Variants in ADGRA2 observed in about 807,000 individuals in gnomAD.
ADGRA2 encodes the protein G-protein coupled receptor 124.
Under a neutral mutation model 98.7 loss-of-function variants are expected in ADGRA2, and 61 were observed. That is an observed-to-expected ratio of 0.62 (90% CI 0.50 to 0.76). The LOEUF is 0.76. Among genes scored for constraint, ADGRA2 ranks in the 30% least tolerant of loss-of-function variants. The probability of loss-of-function intolerance (pLI) is 0.00; values close to 1 mark genes in which losing one functional copy is unlikely to be tolerated. For missense variants in ADGRA2, 1,712 were observed against 1,860.0 expected (o/e 0.92, Z 1.46); for synonymous variants, 858 against 831.5 (o/e 1.03, Z -0.55).
In ADGRA2 at chr8:37,844,311, C is replaced by A. The variant is rs1805906493; in HGVS notation, c.*1956C>A. The A allele has an allele frequency of 1.4e-6, 1 of 700,714 alleles. No homozygotes were observed. 43.4% of individuals were successfully genotyped at this position (700,714 alleles called of 1,614,324 possible). A position where few individuals can be genotyped will look rare whatever the true frequency, so the allele number is the denominator to read the frequency against. ...GATGGGAATCTCTCCTACCTATAGTCATCCCTGCACTCCTGACTTTACTCC... is the reference window on the plus strand; with the variant it reads ...GATGGGAATCTCTCCTACCTATAGTAATCCCTGCACTCCTGACTTTACTCC... On this transcript the variant is annotated 3_prime_UTR_variant, in exon 19 of 19. Coordinates refer to ENST00000412232, the MANE Select transcript of ADGRA2 (RefSeq NM_032777.10).
chr8:37,813,881 T>G (rs766965630), intron 1 of ADGRA2, among the ~76,000 whole-genome samples: 13 of 152,170 alleles, frequency 8.5e-5, no homozygotes, highest in Admixed American at 3.9e-4. Flanking sequence ...CAGCTCTTCT[T>G]AGGGCTTGTT....
chr8:37,837,704 T>C (rs1233111289), intron 13 of ADGRA2, 27 bp from the exon 14 acceptor site: 10 of 1,537,050 alleles, frequency 6.5e-6, no homozygotes, highest in Admixed American at 2.0e-5. Context: ...TGTGTGTGTC[T>C]GTGTGGACGT....
In ADGRA2 at chr8:37,818,899, C is replaced by T. The variant is rs78003008; in HGVS notation, c.338+3932C>T. Among the ~76,000 whole-genome samples the T allele has an allele frequency of 8.1e-3, 1,232 of 152,146 alleles. 12 individuals are homozygous for T. Among genetic ancestry groups the T allele is most frequent in the African/African-American group, 0.027 (1,100 of 41,492 alleles). On this transcript the variant is annotated intron_variant, in intron 2 of 18. Coordinates refer to ENST00000412232, the MANE Select transcript of ADGRA2 (RefSeq NM_032777.10). ...TGCCTGGGCCTGAGACCTGAAGGGACGAGGAAGGAAGCCTGGAGCTCTCAG... is the reference window on the plus strand; with the variant it reads ...TGCCTGGGCCTGAGACCTGAAGGGATGAGGAAGGAAGCCTGGAGCTCTCAG...
In ADGRA2 at chr8:37,841,582, G is replaced by T. The variant is rs868836566; in HGVS notation, c.3244G>T (p.Ala1082Ser). The change falls in exon 19 of 19, where the codon GCC (alanine) becomes TCC (serine). Residue 1082 changes from alanine to serine, a missense_variant. Physicochemically the swap from Ala to Ser is moderately conservative, Grantham distance 99. Transcript: ENST00000412232. The surrounding 1 kb of genome is among the most constrained non-coding windows in gnomAD (Gnocchi z 5.0). ...GAGGGACGTGAGAGCCTCGTGGCGC[G>T]CCTGCTGCCCCCCTGCCTCTCCCGC... is the stretch of plus-strand genomic sequence containing the variant. ...RRRDVRASWRACCPPASPAAP... is the reference protein window; with the variant it reads ...RRRDVRASWRSCCPPASPAAP... 6.3e-7 allele frequency: 1 copy of T among 1,584,984 alleles called. No homozygotes were observed. The highest frequency in any genetic ancestry group is 1.3e-5 in the African/African-American group (1 of 74,698).
Position 37,797,147 on chromosome 8 carries a change from C to T in ADGRA2, c.-122C>T, listed in dbSNP as rs1284469979. On this transcript the variant is annotated 5_prime_UTR_variant, in exon 1 of 19. Coordinates refer to ENST00000412232, the MANE Select transcript of ADGRA2 (RefSeq NM_032777.10). This position sits in a 1 kb window ranked among gnomAD's most constrained non-coding sequence, Gnocchi z 5.3. ...CCCCGGGGCTCGCCTCCGCCCAGGG[C>T]CCCCCTCCACGCCCTCGGGAGCCCC... The T allele has an allele frequency of 2.4e-5, 17 of 717,514 alleles. No homozygotes were observed. Among genetic ancestry groups the T allele is most frequent in the African/African-American group, 7.5e-5 (4 of 53,216 alleles). The allele number at this position is 717,514 out of a possible 1,614,324, so 44.4% of individuals were successfully genotyped here.
rs1242658291 is a variant in ADGRA2, at chr8:37,805,519, T to C, written c.266+7985T>C. On this transcript the variant is annotated intron_variant, in intron 1 of 18. Transcript: ENST00000412232. ...CTGCAGGCTGAGGCAGGGGGATCAC[T>C]TGAGGCCAGGGGTTCAAAACCATTC... 2.0e-5 allele frequency among the ~76,000 whole-genome samples: 3 copies of C among 152,100 alleles called. No homozygotes were observed. In the East Asian group the frequency reaches 5.8e-4, roughly 29 times the overall value.
intron 2 of ADGRA2, among the ~76,000 whole-genome samples, chr8:37,822,251 A>T (rs1805147159): frequency 6.6e-6 from 1 of 152,034 alleles, no homozygotes; most frequent in African/African-American, 2.4e-5. Context: ...TGAACCCTGG[A>T]AGTCTTGTAG....
In ADGRA2 at chr8:37,841,360, G is replaced by A. The variant is rs774085335; in HGVS notation, c.3022G>A (p.Asp1008Asn). 12 of 1,608,136 alleles carry A rather than the reference G, an allele frequency of 7.5e-6. No homozygotes were observed. Among genetic ancestry groups the A allele is most frequent in the East Asian group, 4.5e-5 (2 of 44,634 alleles). The change falls in exon 19 of 19, where the codon GAT (aspartate) becomes AAT (asparagine). Residue 1008 changes from aspartate (D) to asparagine (N), a missense_variant. Transcript: ENST00000412232. This position sits in a 1 kb window ranked among gnomAD's most constrained non-coding sequence, Gnocchi z 5.0. Reference sequence around the variant, plus strand: ...AGTGGGGACGCCCGGGCCCCCGGAGGATGGTGACAGCCTCTATTCTCCGGG... The same window carrying A: ...AGTGGGGACGCCCGGGCCCCCGGAGAATGGTGACAGCCTCTATTCTCCGGG... ...ARVGTPGPPE[D>N]GDSLYSPGVQ... is the part of the protein sequence containing the mutation.
rs1194891706 is a variant in ADGRA2 at position 37,826,441 on chromosome 8, T to G, written c.339-2447T>G. ...TCAGTGTCCTGGCACGGTCCCTGTGTGCGCCTCACTGGGGGGCACCTCCCA... is the reference window on the plus strand; with the variant it reads ...TCAGTGTCCTGGCACGGTCCCTGTGGGCGCCTCACTGGGGGGCACCTCCCA... On this transcript the variant is annotated intron_variant, in intron 2 of 18. Transcript: ENST00000412232. 4.6e-5 allele frequency among the ~76,000 whole-genome samples: 7 copies of G among 152,134 alleles called. No individual in the cohort carries two copies. In the South Asian group the frequency reaches 1.2e-3, roughly 27 times the overall value.
chr8:37,832,343 G>T (rs921692878), intron 8 of ADGRA2, among the ~76,000 whole-genome samples: 1 of 152,088 alleles, frequency 6.6e-6, no homozygotes, highest in Non-Finnish European at 1.5e-5. Flanking sequence ...TTGAGCCACT[G>T]CGACTTTTTT....
intron 2 of ADGRA2, among the ~76,000 whole-genome samples, chr8:37,818,129 C>T (rs913639964): frequency 3.9e-5 from 6 of 152,196 alleles, no homozygotes; most frequent in Non-Finnish European, 7.3e-5. Context: ...CAGGCTTGGT[C>T]TTGGAGGAAG....
Position 37,841,017 on chromosome 8 carries a change from C to T in ADGRA2, c.2748-69C>T. 1 of 1,363,280 alleles carries T rather than the reference C, an allele frequency of 7.3e-7. No homozygotes were observed. The highest frequency in any genetic ancestry group is 1.0e-6 in the Non-Finnish European group (1 of 981,432). The allele number at this position is 1,363,280 out of a possible 1,614,324, so 84.4% of individuals were successfully genotyped here. On this transcript the variant is annotated intron_variant, in intron 18 of 18. Coordinates refer to ENST00000412232, the MANE Select transcript of ADGRA2 (RefSeq NM_032777.10). This position sits in a 1 kb window ranked among gnomAD's most constrained non-coding sequence, Gnocchi z 5.0. ...TACTCACCATATCCTGTCTCCCCAA[C>T]CACCCCGGCCCCCAGCCCCACCCCA...
Position 37,802,266 on chromosome 8 carries a change from T to G in ADGRA2, c.266+4732T>G, listed in dbSNP as rs2129894706. On this transcript the variant is annotated intron_variant, in intron 1 of 18. Coordinates refer to ENST00000412232, the MANE Select transcript of ADGRA2 (RefSeq NM_032777.10). This position sits in a 1 kb window ranked among gnomAD's most constrained non-coding sequence, Gnocchi z 4.7. Reference sequence around the variant, plus strand: ...TTTGGGCAAAGTGTGCCAAGCGTCGTGCACATGGCCCGAGGGCAGGACAAG... The same window carrying G: ...TTTGGGCAAAGTGTGCCAAGCGTCGGGCACATGGCCCGAGGGCAGGACAAG... 6.6e-6 allele frequency among the ~76,000 whole-genome samples: 1 copy of G among 152,284 alleles called. No homozygotes were observed. Among genetic ancestry groups the G allele is most frequent in the Non-Finnish European group, 1.5e-5 (1 of 68,012 alleles).
chr8:37,831,265 T>A (rs1250709755), intron 7 of ADGRA2, among the ~76,000 whole-genome samples, 158 bp from the exon 8 acceptor site: 1 of 152,058 alleles, frequency 6.6e-6, no homozygotes, highest in Non-Finnish European at 1.5e-5. Context: ...AAAAACAGTA[T>A]CATAAGGCCA....
At chr8:37,812,714 G>A (rs1017197943) in intron 1 of ADGRA2, among the ~76,000 whole-genome samples, 1 of 151,848 alleles carries the variant, frequency 6.6e-6, no homozygotes. Context: ...GCCCAGGGTG[G>A]AGTGCAATGG....
At chr8:37,804,231 G>A (rs1268260633) in intron 1 of ADGRA2, among the ~76,000 whole-genome samples, 1 of 152,110 alleles carries the variant, frequency 6.6e-6, no homozygotes, top group Non-Finnish European at 1.5e-5. Flanking sequence ...GTGCAGGTGG[G>A]AACCTAGAGA....
intron 8 of ADGRA2, among the ~76,000 whole-genome samples, chr8:37,832,307 C>T (rs1805480666): frequency 6.6e-6 from 1 of 151,882 alleles, no homozygotes; most frequent in South Asian, 2.1e-4. Context: ...CCCGCCTTGG[C>T]CTCCCGAAGT....
intron 13 of ADGRA2, among the ~76,000 whole-genome samples, chr8:37,836,117 A>G (rs1805610080): frequency 6.6e-6 from 1 of 151,020 alleles, no homozygotes; most frequent in African/African-American, 2.4e-5. Flanking sequence ...CCCAATGCAG[A>G]CAAGTAATGC....
rs1474977859 is a variant in ADGRA2 at position 37,830,400 on chromosome 8, C to T, written c.719-310C>T. 2.6e-5 allele frequency among the ~76,000 whole-genome samples: 4 copies of T among 152,196 alleles called. No homozygotes were observed. The highest frequency in any genetic ancestry group is 1.3e-4 in the Admixed American group (2 of 15,282). ...GGGCATCCCCTTTCCCTCGGTGTCCCGGGGTCAGTCCTCCATCAGCTTTTC... is the reference window on the plus strand; with the variant it reads ...GGGCATCCCCTTTCCCTCGGTGTCCTGGGGTCAGTCCTCCATCAGCTTTTC... On this transcript the variant is annotated intron_variant, in intron 6 of 18. Coordinates refer to ENST00000412232, the MANE Select transcript of ADGRA2 (RefSeq NM_032777.10). The surrounding 1 kb of genome is among the most constrained non-coding windows in gnomAD (Gnocchi z 4.8).
Sources: allele counts gnomAD v4.1 joint callset (sites outside exome capture counted in the v4.1 genomes callset), GRCh38; gene constraint gnomAD v4.1.1; non-coding constraint Gnocchi (gnomAD v3.1); transcripts MANE v1.5; gene names NCBI Gene and HGNC (gene_info 2026-07-23, HGNC 2026-07-21).